KIF20B: variants seen among roughly 807,000 people sequenced by gnomAD.
KIF20B encodes kinesin family member 20B.
A neutral mutation model predicts 232.5 loss-of-function variants in KIF20B; 188 were observed. The observed-to-expected ratio is 0.81, with a 90% CI of 0.72 to 0.91. KIF20B has a LOEUF of 0.91. KIF20B is among the 40% of genes least tolerant of loss of function. KIF20B has a pLI of 0.00. For missense variants in KIF20B, 2,154 were observed against 2,055.9 expected, an observed-to-expected ratio of 1.05 and a Z score of -0.92; for synonymous variants, 712 against 683.0, an observed-to-expected ratio of 1.04 and a Z score of -0.66.
At chr10:89,741,794 C>A (rs754794114) in intron 21 of KIF20B, among the ~76,000 whole-genome samples, 13 of 152,178 alleles carry the variant, frequency 8.5e-5, no homozygotes, top group Admixed American at 4.6e-4. Context: ...TTGTGCCATC[C>A]TGTCCTGCCT....
At chr10:89,733,247 A>C in intron 19 of KIF20B, 191 bp downstream of exon 19, 1 of 503,338 alleles carries the variant, frequency 2.0e-6, no homozygotes, top group Non-Finnish European at 3.5e-6. Flanking sequence ...TTATCTTAAT[A>C]AATATGCTTT....
intron 26 of KIF20B, among the ~76,000 whole-genome samples, chr10:89,757,040 G>GTATGTATATATATATATA (rs1554852904): frequency 3.7e-4 from 41 of 110,754 alleles, no homozygotes; most frequent in Non-Finnish European, 6.1e-4. Flanking sequence ...GTGTGTGTGT[G>GTATGTATATATATATATA]TATATATATA....
chr10:89,711,475 G>A (rs1842836610), intron 6 of KIF20B, among the ~76,000 whole-genome samples: 1 of 151,946 alleles, frequency 6.6e-6, no homozygotes, highest in African/African-American at 2.4e-5. Context: ...TTTAAAATAG[G>A]GAATGTGAGA....
At chr10:89,768,222 CTTTTT>C (rs1040849533) in intron 29 of KIF20B, 63 bp from the exon 30 acceptor site, 9 of 1,036,092 alleles carry the variant, frequency 8.7e-6, no homozygotes, top group African/African-American at 1.7e-5. Flanking sequence ...TACAAATTTT[CTTTTT>C]TGAGTCTAGA....
intron 29 of KIF20B, among the ~76,000 whole-genome samples, chr10:89,763,814 T>C (rs965602447): frequency 2.0e-5 from 3 of 148,774 alleles, no homozygotes; most frequent in African/African-American, 7.5e-5. Context: ...TTACATTTAT[T>C]AATATAACTA....
At chr10:89,754,734 T>C in intron 26 of KIF20B, 61 bp downstream of exon 26, 1 of 1,252,804 alleles carries the variant, frequency 8.0e-7, no homozygotes, top group Non-Finnish European at 1.1e-6. Context: ...TTAAATGTAT[T>C]GCTGGAATTA....
chr10:89,717,621 A>C lies in KIF20B; in HGVS notation c.1170A>C (p.Thr390=). 5.0e-6 allele frequency: 8 copies of C among 1,612,070 alleles called. No individual in the cohort carries two copies. The highest frequency in any genetic ancestry group is 6.8e-6 in the Non-Finnish European group (8 of 1,178,802). Residue 390 remains threonine, a synonymous_variant, in exon 11 of 33, where the codon ACA becomes ACC. Transcript: ENST00000371728. ...CTGGTTCAGAACGAACTATGAAGAC[A>C]CAGAATGAAGGTGAAAGGTTAAGAG... ...DLAGSERTMK[T]QNEGERLRET...
At chr10:89,739,430 A>G (rs1369150918) in intron 21 of KIF20B, among the ~76,000 whole-genome samples, 1 of 152,156 alleles carries the variant, frequency 6.6e-6, no homozygotes, top group Non-Finnish European at 1.5e-5. Flanking sequence ...AGTTTTTATT[A>G]TAACTTAATT....
intron 2 of KIF20B, among the ~76,000 whole-genome samples, chr10:89,706,455 T>C (rs1438700574): frequency 2.0e-5 from 3 of 152,078 alleles, no homozygotes; most frequent in Non-Finnish European, 4.4e-5. Context: ...AATTTTTTTG[T>C]GTGTGTGTTC....
chr10:89,704,913 A>G (rs1011553940), intron 1 of KIF20B, among the ~76,000 whole-genome samples: 3 of 152,244 alleles, frequency 2.0e-5, no homozygotes, highest in African/African-American at 7.2e-5. Context: ...GTAACATTCT[A>G]CAGGAGTCAC....
intron 18 of KIF20B, among the ~76,000 whole-genome samples, chr10:89,729,719 T>C (rs957431123): frequency 2.6e-5 from 4 of 152,368 alleles, no homozygotes; most frequent in African/African-American, 4.8e-5. Flanking sequence ...TAAAAAGTTA[T>C]ACACTGTGAC....
At chr10:89,714,481 A>C (rs942913189) in intron 7 of KIF20B, among the ~76,000 whole-genome samples, 13 of 152,170 alleles carry the variant, frequency 8.5e-5, no homozygotes, top group Non-Finnish European at 1.6e-4. Flanking sequence ...TCTCAAAAAA[A>C]AAAATTTTCA....
At position 89,719,691 on chromosome 10, in the gene KIF20B, C is replaced by T. The variant is rs1167311470; in HGVS notation, c.1707C>T (p.Ser569=). 2.5e-6 allele frequency: 4 copies of T among 1,602,238 alleles called. No homozygotes were observed. The East Asian group carries it at 8.9e-5, about 36-fold the overall frequency. The part of the protein sequence containing the change: ...KTLEENKAFI[S]HEEKRKLLDL... ...TAGAGGAAAATAAGGCTTTCATTAG[C>T]CACGAGGAGAAAAGAGTATGTATTA... Residue 569 remains serine, a synonymous_variant, in exon 13 of 33, where the codon AGC becomes AGT. Transcript: ENST00000371728.
intron 1 of KIF20B, among the ~76,000 whole-genome samples, chr10:89,705,091 A>G (rs915185882): frequency 6.6e-6 from 1 of 152,236 alleles, no homozygotes; most frequent in African/African-American, 2.4e-5. Context: ...TGTGTTCAGT[A>G]TTATTAGAAT....
Position 89,743,257 on chromosome 10 carries a change from A to AT in KIF20B, c.3916-549dup, listed in dbSNP as rs1300419259. Among the ~76,000 whole-genome samples the AT allele has an allele frequency of 6.6e-5, 10 of 152,306 alleles. No individual in the cohort carries two copies. In the Middle Eastern group the frequency reaches 0.01, roughly 155 times the overall value. On this transcript the variant is annotated intron_variant, in intron 21 of 32. Coordinates refer to ENST00000371728, the MANE Select transcript of KIF20B (RefSeq NM_001284259.2). ...TTTTGGGTGAGAAATTAATATATATATTAGTCCATAGTACCTCGATTTCCC... is the reference window on the plus strand; with the variant it reads ...TTTTGGGTGAGAAATTAATATATATATTTAGTCCATAGTACCTCGATTTCCC...
chr10:89,773,010 A>T (rs2133184950), intron 32 of KIF20B, among the ~76,000 whole-genome samples, 179 bp downstream of exon 32: 1 of 152,222 alleles, frequency 6.6e-6, no homozygotes, highest in Admixed American at 6.6e-5. Flanking sequence ...TTAAATGTAT[A>T]TAAGCGTCAT....
rs187715970 is a variant in KIF20B at position 89,769,744 on chromosome 10, G to A, written c.5242+856G>A. On this transcript the variant is annotated intron_variant, in intron 31 of 32. Coordinates refer to ENST00000371728, the MANE Select transcript of KIF20B (RefSeq NM_001284259.2). ...ACAGGTGGAGTATCAGAAAAATGTA[G>A]GAAATGTTCATGCAATTACAGGCAG... Among the ~76,000 whole-genome samples the A allele has an allele frequency of 2.2e-3, 332 of 151,952 alleles. 2 individuals carry two copies. The highest frequency in any genetic ancestry group is 2.1e-3 in the Non-Finnish European group (143 of 67,924).
chr10:89,756,587 A>G (rs917287158), intron 26 of KIF20B, among the ~76,000 whole-genome samples: 1 of 152,208 alleles, frequency 6.6e-6, no homozygotes, highest in African/African-American at 2.4e-5. Flanking sequence ...GAAATAGAAC[A>G]TAGTTCAGTG....
chr10:89,731,317 A>G (rs1233386956), intron 18 of KIF20B, among the ~76,000 whole-genome samples: 1 of 152,226 alleles, frequency 6.6e-6, no homozygotes, highest in Non-Finnish European at 1.5e-5. Flanking sequence ...ATAGTAAAAA[A>G]ATCAATATTT....
Sources: gnomAD v4.1 joint callset for allele counts (sites outside exome capture counted in the v4.1 genomes callset) on GRCh38, gnomAD v4.1.1 for gene constraint, MANE v1.5 for transcripts, NCBI Gene and HGNC (gene_info 2026-07-23, HGNC 2026-07-21) for gene names.